The following TENM3 variants were observed in gnomAD, a reference collection of about 807,000 sequenced individuals.
TENM3 encodes teneurin-3.
In TENM3, 63 loss-of-function variants were observed where a neutral mutation model predicts 255.1. That is an observed-to-expected ratio of 0.25 (90% CI 0.20 to 0.30). TENM3 has a LOEUF of 0.30. Among genes scored for constraint, TENM3 ranks in the 10% least tolerant of loss-of-function variants. TENM3 has a pLI of 1.00. For synonymous variants in TENM3, 1,306 were observed against 1,322.3 expected, an observed-to-expected ratio of 0.99 and a Z score of 0.27; for missense variants, 2,929 against 3,461.1, an observed-to-expected ratio of 0.85 and a Z score of 3.86.
intron 16 of TENM3, among the ~76,000 whole-genome samples, chr4:182,736,162 T>A (rs1473817341): frequency 6.6e-6 from 1 of 152,238 alleles, no homozygotes; most frequent in Non-Finnish European, 1.5e-5. Flanking sequence ...ATTATTACAT[T>A]ACCTCTCAAC....
the TENM3 span, among the ~76,000 whole-genome samples, chr4:181,575,060 A>G: frequency 3.9e-5 from 6 of 152,226 alleles, no homozygotes; most frequent in Non-Finnish European, 8.8e-5. Flanking sequence ...ATGTAAGAAC[A>G]TATAAAACAT....
intron 3 of TENM3, among the ~76,000 whole-genome samples, chr4:182,545,149 A>G (rs1741304060): frequency 6.6e-6 from 1 of 152,210 alleles, no homozygotes; most frequent in Middle Eastern, 3.2e-3. Context: ...ATCTAGTTCT[A>G]CAATTACAGA....
At chr4:181,464,522 A>G in the TENM3 span, among the ~76,000 whole-genome samples, 1 of 152,204 alleles carries the variant, frequency 6.6e-6, no homozygotes, top group Admixed American at 6.5e-5. Flanking sequence ...TTTGGTTGCA[A>G]GAGTTCTTAA....
chr4:182,328,115 A>G (rs1221282519), intron 2 of TENM3, among the ~76,000 whole-genome samples: 10 of 152,190 alleles, frequency 6.6e-5, no homozygotes, highest in Non-Finnish European at 1.5e-4. Context: ...GTTAGTCAAT[A>G]ATCAGTGTTG....
At position 182,743,215 on chromosome 4, in the gene TENM3, A is replaced by G. The variant is rs761675076; in HGVS notation, c.3425A>G (p.Gln1142Arg). The G allele has an allele frequency of 1.2e-6, 2 of 1,613,894 alleles. No homozygotes were observed. Among genetic ancestry groups the G allele is most frequent in the Non-Finnish European group, 1.7e-6 (2 of 1,179,738 alleles). ...GGGGAAAACCAGTTCATCTCCCAGC[A>G]GCCTCCAGTCGTGAGTAGCATCATG... ...GNGENQFISQ[Q>R]PPVVSSIMGN... The change falls in exon 19 of 28, where the codon CAG (glutamine) becomes CGG (arginine). Residue 1142 changes from glutamine to arginine, a missense_variant. By Grantham distance (43) the Gln-to-Arg change is conservative. Coordinates refer to ENST00000511685, the MANE Select transcript of TENM3 (RefSeq NM_001080477.4).
chr4:181,455,897 G>A, the TENM3 span, among the ~76,000 whole-genome samples: 1 of 151,882 alleles, frequency 6.6e-6, no homozygotes, highest in Non-Finnish European at 1.5e-5. Context: ...TATATTAATA[G>A]CTTTGATAGC....
chr4:181,637,059 G>A, the TENM3 span, among the ~76,000 whole-genome samples: 1 of 152,122 alleles, frequency 6.6e-6, no homozygotes, highest in Non-Finnish European at 1.5e-5. Context: ...ATACCCATAT[G>A]CCTTGCTCTC....
At chr4:182,685,662 A>T (rs1044506463) in intron 11 of TENM3, among the ~76,000 whole-genome samples, 1 of 152,106 alleles carries the variant, frequency 6.6e-6, no homozygotes, top group Non-Finnish European at 1.5e-5. Flanking sequence ...TAGTAAAGGT[A>T]CTTGGTTCAG....
Position 182,771,472 on chromosome 4 carries a change from C to T in TENM3, c.4893-2000C>T, listed in dbSNP as rs565527200. 2.8e-4 allele frequency among the ~76,000 whole-genome samples: 40 copies of T among 144,604 alleles called. 1 individual carries two copies. The Middle Eastern group carries it at 0.011, about 40-fold the overall frequency. The allele number at this position is 144,604 out of a possible 152,430, so 94.9% of individuals were successfully genotyped here. A position where few individuals can be genotyped will look rare whatever the true frequency, so the allele number is the denominator to read the frequency against. ...GCCAGATCAAATCAGCTAACCACGT[C>T]GTATTTTCATTTTCCGTCTCTGAAA... On this transcript the variant is annotated intron_variant, in intron 22 of 27. Transcript: ENST00000511685.
At chr4:182,763,554 C>CA (rs35831067) in intron 22 of TENM3, among the ~76,000 whole-genome samples, 32,102 of 143,556 alleles carry the variant, frequency 0.22, 3,606 homozygotes, top group South Asian at 0.38. Context: ...GACTCCGTCT[C>CA]AAAAAAAAAA....
At chr4:182,018,312 G>C in the TENM3 span, among the ~76,000 whole-genome samples, 1 of 152,158 alleles carries the variant, frequency 6.6e-6, no homozygotes, top group African/African-American at 2.4e-5. Context: ...TCTCACAAGC[G>C]TGTGGGATTT....
intron 19 of TENM3, among the ~76,000 whole-genome samples, chr4:182,750,558 T>A (rs1375664192): frequency 6.6e-6 from 1 of 152,206 alleles, no homozygotes; most frequent in Non-Finnish European, 1.5e-5. Context: ...GTGAAAATTG[T>A]TTTATTAGAA....
the TENM3 span, among the ~76,000 whole-genome samples, chr4:181,568,983 T>C: frequency 3.3e-5 from 5 of 152,180 alleles, no homozygotes; most frequent in African/African-American, 9.7e-5. Flanking sequence ...TGGAACAGAG[T>C]TGGCACTTAA....
intron 3 of TENM3, among the ~76,000 whole-genome samples, chr4:182,361,375 G>T (rs1430125652): frequency 2.6e-5 from 4 of 152,078 alleles, no homozygotes; most frequent in African/African-American, 7.2e-5. Flanking sequence ...TGTAGATTTG[G>T]TCTTTTCACA....
the TENM3 span, among the ~76,000 whole-genome samples, chr4:182,066,735 C>A: frequency 6.6e-6 from 1 of 151,798 alleles, no homozygotes; most frequent in East Asian, 1.9e-4. Context: ...ACCATGAAAC[C>A]CCGTCTCCAC....
chr4:182,427,260 A>C (rs1255736173), intron 3 of TENM3, among the ~76,000 whole-genome samples: 1 of 152,200 alleles, frequency 6.6e-6, no homozygotes, highest in Non-Finnish European at 1.5e-5. Context: ...GGCTGAGATC[A>C]CATTTGCAGT....
chr4:181,584,561 A>G, the TENM3 span, among the ~76,000 whole-genome samples: 1 of 152,162 alleles, frequency 6.6e-6, no homozygotes, highest in Admixed American at 6.5e-5. Flanking sequence ...TCTCCTTTAA[A>G]ATATCCAACT....
At chr4:181,798,303 T>TATTC in the TENM3 span, among the ~76,000 whole-genome samples, 1 of 151,934 alleles carries the variant, frequency 6.6e-6, no homozygotes, top group African/African-American at 2.4e-5. Flanking sequence ...CTTTATTTTT[T>TATTC]ATTTATTTAT....
the TENM3 span, among the ~76,000 whole-genome samples, chr4:181,761,221 G>A: frequency 6.6e-6 from 1 of 151,998 alleles, no homozygotes; most frequent in East Asian, 1.9e-4. Context: ...CAGTCTTACA[G>A]TGTATTATCA....
Sources: gnomAD v4.1 joint callset for allele counts (sites outside exome capture counted in the v4.1 genomes callset) on GRCh38, gnomAD v4.1.1 for gene constraint, MANE v1.5 for transcripts, NCBI Gene and HGNC (gene_info 2026-07-23, HGNC 2026-07-21) for gene names.